TMEM255B: variants seen among roughly 807,000 people sequenced by gnomAD.
TMEM255B encodes transmembrane protein 255B.
A neutral mutation model predicts 34.5 loss-of-function variants in TMEM255B; 35 were observed. The observed-to-expected ratio is 1.01, with a 90% confidence interval of 0.77 to 1.34. TMEM255B has a LOEUF of 1.34. TMEM255B is among the 40% of genes most tolerant of loss of function. The pLI is 0.00. For missense variants in TMEM255B, 432 were observed against 433.2 expected, an observed-to-expected ratio of 1.00 and a Z score of 0.02; for synonymous variants, 206 against 201.2, an observed-to-expected ratio of 1.02 and a Z score of -0.20.
In TMEM255B at chr13:113,799,392, G is replaced by A. The variant is rs1190810765; in HGVS notation, c.396G>A (p.Gly132=). 3.1e-6 allele frequency: 5 copies of A among 1,614,158 alleles called. No homozygotes were observed. In the African/African-American group the frequency reaches 4.0e-5, roughly 13 times the overall value. Residue 132 remains glycine, a synonymous_variant, in exon 5 of 9, where the codon GGG becomes GGA. Coordinates refer to ENST00000375353, the MANE Select transcript of TMEM255B (RefSeq NM_182614.4). ...GCCAGTTTTACTCCAGTGGGGTGGGGTACTTGTACGATGTCTACCAGACAG... is the reference window on the plus strand; with the variant it reads ...GCCAGTTTTACTCCAGTGGGGTGGGATACTTGTACGATGTCTACCAGACAG... ...GRCQFYSSGV[G]YLYDVYQTEV...
intron 2 of TMEM255B, among the ~76,000 whole-genome samples, chr13:113,768,416 C>T (rs1393613572): frequency 6.6e-6 from 1 of 152,230 alleles, no homozygotes; most frequent in Non-Finnish European, 1.5e-5. Flanking sequence ...ATGTCTATTT[C>T]CCGACATCCC....
At position 113,806,801 on chromosome 13, in the gene TMEM255B, C is replaced by T. The variant is rs2051180200; in HGVS notation, c.813+1773C>T. The stretch of plus-strand genomic sequence containing the variant: ...GTCTCCCGTGGGAAGTTTGCCAAGC[C>T]CAGAACTGGAGGCCCGCAGGGGTAG... On this transcript the variant is annotated intron_variant, in intron 8 of 8. Transcript: ENST00000375353. This position sits in a 1 kb window ranked among gnomAD's most constrained non-coding sequence, Gnocchi z 4.2. Among the ~76,000 whole-genome samples the T allele has an allele frequency of 6.6e-6, 1 of 151,120 alleles. No homozygotes were observed. Among genetic ancestry groups the T allele is most frequent in the Non-Finnish European group, 1.5e-5 (1 of 67,306 alleles).
At position 113,805,017 on chromosome 13, in the gene TMEM255B, C is replaced by T. The variant is rs1315193933; in HGVS notation, c.802C>T (p.Leu268=). 1.9e-6 allele frequency: 3 copies of T among 1,601,460 alleles called. No homozygotes were observed. The highest frequency in any genetic ancestry group is 1.1e-5 in the South Asian group (1 of 90,140). The change falls in exon 8 of 9, where the codon CTG becomes TTG. Residue 268 remains leucine, a synonymous_variant. Coordinates refer to ENST00000375353, the MANE Select transcript of TMEM255B (RefSeq NM_182614.4). The stretch of plus-strand genomic sequence containing the variant: ...CGTCCCGACCTGCTCGTCCTACCCT[C>T]TGCCCCTTCAGGTAGGGCCAGCATC... ...EPVPTCSSYP[L]PLQPCSRFPV...
At position 113,790,302 on chromosome 13, in the gene TMEM255B, C is replaced by A. The variant is rs1373230932; in HGVS notation, c.253-4846C>A. On this transcript the variant is annotated intron_variant, in intron 3 of 8. Transcript: ENST00000375353. ...CGTGGACATCCTAGCACTGAACTGACTGGACACATGGACATCCTAGCTGTG... is the reference window on the plus strand; with the variant it reads ...CGTGGACATCCTAGCACTGAACTGAATGGACACATGGACATCCTAGCTGTG... Among the ~76,000 whole-genome samples the A allele has an allele frequency of 1.4e-4, 16 of 117,948 alleles. 3 individuals are homozygous for A. Among genetic ancestry groups the A allele is most frequent in the Non-Finnish European group, 2.7e-4 (14 of 51,932 alleles). The allele number at this position is 117,948 out of a possible 152,430, so 77.4% of individuals were successfully genotyped here. A position where few individuals can be genotyped will look rare whatever the true frequency, so the allele number is the denominator to read the frequency against.
intron 8 of TMEM255B, among the ~76,000 whole-genome samples, chr13:113,807,863 A>G: frequency 6.8e-6 from 1 of 147,286 alleles, no homozygotes; most frequent in South Asian, 2.2e-4. Flanking sequence ...GGCTTACGGG[A>G]CGTGGGGGGC....
intron 1 of TMEM255B, among the ~76,000 whole-genome samples, chr13:113,763,896 G>A (rs1222142931): frequency 6.6e-6 from 1 of 152,242 alleles, no homozygotes; most frequent in Non-Finnish European, 1.5e-5. Flanking sequence ...AGTTAGAGGT[G>A]GGGAGGAGGA....
At chr13:113,764,157 C>T (rs566969140) in intron 1 of TMEM255B, among the ~76,000 whole-genome samples, 15 of 152,078 alleles carry the variant, frequency 9.9e-5, no homozygotes, top group African/African-American at 3.4e-4. Context: ...CACGGGGACA[C>T]GGGTTGGGGC....
chr13:113,775,334 C>G (rs1308569342), intron 3 of TMEM255B, among the ~76,000 whole-genome samples: 1 of 152,220 alleles, frequency 6.6e-6, no homozygotes, highest in Admixed American at 6.5e-5. Context: ...TTGCGCCCTG[C>G]TTAGCTTCTG....
intron 3 of TMEM255B, among the ~76,000 whole-genome samples, chr13:113,771,947 C>T (rs1290119579): frequency 6.6e-6 from 1 of 152,146 alleles, no homozygotes; most frequent in African/African-American, 2.4e-5. Flanking sequence ...AAAGTGGCTG[C>T]CCCATGTTAC....
intron 3 of TMEM255B, among the ~76,000 whole-genome samples, chr13:113,787,781 A>C (rs1280425936): frequency 6.6e-6 from 1 of 151,572 alleles, no homozygotes; most frequent in Non-Finnish European, 1.5e-5. Context: ...GAATCGCGTC[A>C]GCTGGGGCTG....
chr13:113,770,039 T>C lies in TMEM255B; in HGVS notation c.252+879T>C, dbSNP rs1346519324. On this transcript the variant is annotated intron_variant, in intron 3 of 8. Transcript: ENST00000375353. This position sits in a 1 kb window ranked among gnomAD's most constrained non-coding sequence, Gnocchi z 4.6. ...GGAGGGTGAGATGGCTGGGCCGCGG[T>C]GTATGCCCTCGGAACCCTGTATGTT... 2.6e-5 allele frequency among the ~76,000 whole-genome samples: 4 copies of C among 152,238 alleles called. No homozygotes were observed. The highest frequency in any genetic ancestry group is 7.2e-5 in the African/African-American group (3 of 41,554).
Position 113,801,057 on chromosome 13 carries a change from C to T in TMEM255B, c.509+145C>T, listed in dbSNP as rs891440758. ...GGAGGTGAGGGGCGCTGGGAACCCC[C>T]GTATGTGCCTGCAGGGGTGAGGCCT... On this transcript the variant is annotated intron_variant, in intron 6 of 8. Transcript: ENST00000375353. 33 of 786,602 alleles carry T rather than the reference C, an allele frequency of 4.2e-5. 1 individual carries two copies. Among genetic ancestry groups the T allele is most frequent in the Middle Eastern group, 3.5e-4 (1 of 2,864 alleles). The allele number at this position is 786,602 out of a possible 1,614,324, so 48.7% of individuals were successfully genotyped here. A position where few individuals can be genotyped will look rare whatever the true frequency, so the allele number is the denominator to read the frequency against.
At chr13:113,776,044 C>G (rs936623739) in intron 3 of TMEM255B, among the ~76,000 whole-genome samples, 1 of 152,186 alleles carries the variant, frequency 6.6e-6, no homozygotes, top group African/African-American at 2.4e-5. Context: ...TGGGACCTGC[C>G]CAGGACACCA....
intron 1 of TMEM255B, chr13:113,761,319 C>G (rs2050304867): frequency 1.0e-6 from 1 of 985,336 alleles, no homozygotes; most frequent in Admixed American, 6.1e-5. Context: ...GCAGGAAGAA[C>G]CTGACCTCCA....
At position 113,759,254 on chromosome 13, in the gene TMEM255B, C is replaced by T; in HGVS notation, c.-16C>T. ...ACTGTGGCTGTGGCCCCGGGAGAGC[C>T]GGGTGGGGCCTCGGGATGCAGCCGC... On this transcript the variant is annotated 5_prime_UTR_variant, in exon 1 of 9. Transcript: ENST00000375353. 3 of 1,227,884 alleles carry T rather than the reference C, an allele frequency of 2.4e-6. No homozygotes were observed. Among genetic ancestry groups the T allele is most frequent in the South Asian group, 4.1e-5 (1 of 24,298 alleles). 76.1% of individuals were successfully genotyped at this position (1,227,884 alleles called of 1,614,324 possible).
chr13:113,773,007 A>G (rs1357184132), intron 3 of TMEM255B, among the ~76,000 whole-genome samples: 4 of 152,084 alleles, frequency 2.6e-5, no homozygotes, highest in African/African-American at 9.7e-5. Context: ...CCATCTTAAT[A>G]TTAAGTATCC....
rs1480873675 is a variant in TMEM255B at position 113,806,742 on chromosome 13, A to G, written c.813+1714A>G. On this transcript the variant is annotated intron_variant, in intron 8 of 8. Transcript: ENST00000375353. The surrounding 1 kb of genome is among the most constrained non-coding windows in gnomAD (Gnocchi z 4.2). Reference sequence around the variant, plus strand: ...GCAGGGACCGTGCCCCCAGGGCCACAGCCCTGTCCTGGGGGCTTCTCTCTG... The same window carrying G: ...GCAGGGACCGTGCCCCCAGGGCCACGGCCCTGTCCTGGGGGCTTCTCTCTG... 6.6e-6 allele frequency among the ~76,000 whole-genome samples: 1 copy of G among 152,164 alleles called. No homozygotes were observed. The highest frequency in any genetic ancestry group is 1.5e-5 in the Non-Finnish European group (1 of 68,008).
At chr13:113,801,874 C>T (rs1407421447) in intron 7 of TMEM255B, 62 bp downstream of exon 7, 10 of 1,484,738 alleles carry the variant, frequency 6.7e-6, no homozygotes, top group South Asian at 1.3e-5. Context: ...GTCCATTTCC[C>T]CGGGGTGGGC....
chr13:113,783,841 A>G (rs2050700691), intron 3 of TMEM255B, among the ~76,000 whole-genome samples: 1 of 152,028 alleles, frequency 6.6e-6, no homozygotes. Flanking sequence ...GCAGGGTCAG[A>G]AGGGGTTTCG....
Sources: gnomAD v4.1 joint callset for allele counts (sites outside exome capture counted in the v4.1 genomes callset) on GRCh38, gnomAD v4.1.1 for gene constraint, Gnocchi (gnomAD v3.1) non-coding constraint, MANE v1.5 for transcripts, NCBI Gene and HGNC (gene_info 2026-07-23, HGNC 2026-07-21) for gene names.